The following FAM76A variants were observed in gnomAD, a reference collection of about 807,000 sequenced individuals.
FAM76A encodes the protein protein FAM76A.
Under a neutral mutation model 46.2 loss-of-function variants are expected in FAM76A, and 32 were observed. The observed-to-expected ratio is 0.69, with a 90% CI of 0.52 to 0.93. The LOEUF (loss-of-function observed/expected upper bound fraction) is 0.93. Ranked by LOEUF, FAM76A falls within the 40% of genes least tolerant of loss-of-function variation. The probability of loss-of-function intolerance (pLI) is 0.00; values close to 1 mark genes in which losing one functional copy is unlikely to be tolerated. For missense variants in FAM76A, 274 were observed against 361.5 expected (o/e 0.76, Z 1.96); for synonymous variants, 137 against 127.0 (o/e 1.08, Z -0.53).
intron 7 of FAM76A, among the ~76,000 whole-genome samples, chr1:27,757,934 G>A (rs1571501786): frequency 6.6e-6 from 1 of 150,672 alleles, no homozygotes; most frequent in African/African-American, 2.5e-5. Flanking sequence ...CCAAGATCGT[G>A]CCACTGCACT....
chr1:27,746,169 G>A (rs944426348), intron 5 of FAM76A, among the ~76,000 whole-genome samples: 1 of 152,176 alleles, frequency 6.6e-6, no homozygotes, highest in African/African-American at 2.4e-5. Context: ...TGAAAAGGTT[G>A]ATTCAGGAAG....
intron 7 of FAM76A, among the ~76,000 whole-genome samples, chr1:27,757,307 C>G (rs2088427041): frequency 6.7e-6 from 1 of 148,252 alleles, no homozygotes; most frequent in African/African-American, 2.5e-5. Flanking sequence ...ATTCTTGTGC[C>G]TCAGCCTCCT....
intron 8 of FAM76A, 80 bp from the exon 9 acceptor site, chr1:27,760,415 C>A: frequency 9.0e-7 from 1 of 1,114,606 alleles, no homozygotes; most frequent in Non-Finnish European, 1.3e-6. Flanking sequence ...TCTGCCTTAG[C>A]ATCTGCACTT....
chr1:27,756,770 C>A (rs1281345098), intron 7 of FAM76A, among the ~76,000 whole-genome samples: 1 of 151,660 alleles, frequency 6.6e-6, no homozygotes, highest in East Asian at 1.9e-4. Context: ...AATAGTATCT[C>A]ATTTTTAGGC....
In FAM76A at chr1:27,742,063, C is replaced by T. The variant is rs116080661; in HGVS notation, c.355-2591C>T. On this transcript the variant is annotated intron_variant, in intron 4 of 8. Coordinates refer to ENST00000373954, the MANE Select transcript of FAM76A (RefSeq NM_152660.3). Reference sequence around the variant, plus strand: ...TTAGAAAGAAGTGAGTAGATTCAGACTGATGGACTTACTGATGGGTTGGGG... The same window carrying T: ...TTAGAAAGAAGTGAGTAGATTCAGATTGATGGACTTACTGATGGGTTGGGG... 3.2e-3 allele frequency among the ~76,000 whole-genome samples: 488 copies of T among 152,186 alleles called. 4 individuals are homozygous for T. Among genetic ancestry groups the T allele is most frequent in the African/African-American group, 0.011 (466 of 41,526 alleles).
At position 27,726,142 on chromosome 1, in the gene FAM76A, A is replaced by AT; in HGVS notation, c.62_63insT (p.Gln21HisfsTer24). Reference sequence around the variant, plus strand: ...CGCTTCCCCTTCGAGGCGCTGTCTCAGGGGCAGCAGCTGTGCAAGGTGCGC... The same window carrying AT: ...CGCTTCCCCTTCGAGGCGCTGTCTCATGGGGCAGCAGCTGTGCAAGGTGCGC... On this transcript the variant is annotated frameshift_variant, in exon 1 of 9. Coordinates refer to ENST00000373954, the MANE Select transcript of FAM76A (RefSeq NM_152660.3). LOFTEE classifies it high-confidence loss of function. The AT allele has an allele frequency of 7.7e-7, 1 of 1,304,660 alleles. No homozygotes were observed. Among genetic ancestry groups the AT allele is most frequent in the Non-Finnish European group, 9.8e-7 (1 of 1,023,034 alleles). The allele number at this position is 1,304,660 out of a possible 1,614,324, so 80.8% of individuals were successfully genotyped here. A position where few individuals can be genotyped will look rare whatever the true frequency, so the allele number is the denominator to read the frequency against.
Position 27,727,506 on chromosome 1 carries a change from C to T in FAM76A, c.116C>T (p.Thr39Ile), listed in dbSNP as rs1364625492. 3.7e-6 allele frequency: 6 copies of T among 1,613,706 alleles called. No individual in the cohort carries two copies. Among genetic ancestry groups the T allele is most frequent in the Non-Finnish European group, 5.1e-6 (6 of 1,179,792 alleles). The change falls in exon 2 of 9, where the codon ACC becomes ATC. Residue 39 changes from threonine (T) to isoleucine (I), a missense_variant. By Grantham distance (89) the Thr-to-Ile change is moderately conservative. Transcript: ENST00000373954. The stretch of plus-strand genomic sequence containing the variant: ...ATTGCACACCCTGTTGTGAAGTGCA[C>T]CTACTGCAGGACTGAGTACCAGCAG... Reference protein sequence around the residue: ...CRIAHPVVKCTYCRTEYQQES... With the variant: ...CRIAHPVVKCIYCRTEYQQES...
chr1:27,759,727 T>C (rs1437853740), intron 8 of FAM76A, 100 bp downstream of exon 8: 19 of 818,112 alleles, frequency 2.3e-5, no homozygotes, highest in Non-Finnish European at 3.4e-5. Flanking sequence ...TTCTTTTTTT[T>C]CTCAAAGTAT....
chr1:27,737,865 CAACAAAAAAAAAAAAAA>C (rs1189254497), intron 4 of FAM76A, among the ~76,000 whole-genome samples: 4 of 34,244 alleles, frequency 1.2e-4, no homozygotes, highest in African/African-American at 4.2e-4. Flanking sequence ...ACAACAACAA[CAACAAAAAAAAAAAAAA>C]AAAAAAAAAA....
At chr1:27,727,105 A>G (rs553664328) in intron 1 of FAM76A, among the ~76,000 whole-genome samples, 8 of 152,302 alleles carry the variant, frequency 5.3e-5, no homozygotes, top group African/African-American at 1.4e-4. Flanking sequence ...GAAGTTATGT[A>G]TATATAAATA....
At chr1:27,750,604 CTG>C (rs2088315382) in intron 6 of FAM76A, among the ~76,000 whole-genome samples, 1 of 152,238 alleles carries the variant, frequency 6.6e-6, no homozygotes, top group Admixed American at 6.5e-5. Flanking sequence ...ATGATCCAGG[CTG>C]TGTTTGAATG....
intron 4 of FAM76A, 120 bp from the exon 5 acceptor site, chr1:27,744,534 A>G (rs1210550294): frequency 3.8e-6 from 4 of 1,039,762 alleles, no homozygotes; most frequent in East Asian, 2.4e-5. Context: ...GACATGCCCA[A>G]AGTCACAGCA....
intron 4 of FAM76A, among the ~76,000 whole-genome samples, chr1:27,735,471 A>C (rs1371427067): frequency 6.6e-6 from 1 of 152,216 alleles, no homozygotes; most frequent in Non-Finnish European, 1.5e-5. Context: ...ACTCTTTTTC[A>C]GTGGCCAGAG....
At chr1:27,758,681 T>G (rs1451339013) in intron 7 of FAM76A, among the ~76,000 whole-genome samples, 2 of 146,496 alleles carry the variant, frequency 1.4e-5, no homozygotes, top group African/African-American at 2.5e-5. Context: ...TAATTTTCGT[T>G]TTTTTTTTTT....
In FAM76A at chr1:27,727,627, C is replaced by T. The variant is rs2087882901; in HGVS notation, c.146+91C>T. The T allele has an allele frequency of 4.4e-6, 4 of 912,184 alleles. No homozygotes were observed. In the Admixed American group the frequency reaches 8.3e-5, roughly 19 times the overall value. The allele number at this position is 912,184 out of a possible 1,614,324, so 56.5% of individuals were successfully genotyped here. A position where few individuals can be genotyped will look rare whatever the true frequency, so the allele number is the denominator to read the frequency against. On this transcript the variant is annotated intron_variant, in intron 2 of 8. Coordinates refer to ENST00000373954, the MANE Select transcript of FAM76A (RefSeq NM_152660.3). ...GCATTTCATGTACAGATGCTATAAT[C>T]AGTTGCATTGTAAAATACAGATCTG...
At chr1:27,760,324 C>G in intron 8 of FAM76A, 171 bp from the exon 9 acceptor site, 1 of 505,794 alleles carries the variant, frequency 2.0e-6, no homozygotes, top group Non-Finnish European at 3.6e-6. Context: ...CTTTTTTCTC[C>G]TGAACCAAGT....
intron 4 of FAM76A, among the ~76,000 whole-genome samples, chr1:27,734,515 C>T (rs1257220422): frequency 6.6e-6 from 1 of 152,088 alleles, no homozygotes; most frequent in Non-Finnish European, 1.5e-5. Flanking sequence ...CCACTGCACT[C>T]CAGCCTGAGT....
intron 8 of FAM76A, chr1:27,759,842 A>G: frequency 1.7e-6 from 1 of 571,500 alleles, no homozygotes; most frequent in South Asian, 1.6e-5. Flanking sequence ...ATCATGGCTT[A>G]CTGCAGCCTC....
chr1:27,743,461 A>C (rs2088189231), intron 4 of FAM76A, among the ~76,000 whole-genome samples: 1 of 152,118 alleles, frequency 6.6e-6, no homozygotes, highest in Admixed American at 6.6e-5. Context: ...ATATATACAA[A>C]TTTTGTCATT....
Sources: gnomAD v4.1 joint callset for allele counts (sites outside exome capture counted in the v4.1 genomes callset) on GRCh38, gnomAD v4.1.1 for gene constraint, MANE v1.5 for transcripts, NCBI Gene and HGNC (gene_info 2026-07-23, HGNC 2026-07-21) for gene names.